Variants in MIGA1 observed in about 807,000 individuals in gnomAD.
The protein encoded by MIGA1 is family with sequence similarity 73, member A.
MIGA1 carries 58 observed loss-of-function variants against 82.0 expected under a neutral mutation model. The observed-to-expected ratio is 0.71, with a 90% CI of 0.57 to 0.88. The LOEUF (loss-of-function observed/expected upper bound fraction) is 0.88, where lower values mean the gene tolerates loss of function less well. Ranked by LOEUF, MIGA1 falls within the 40% of genes least tolerant of loss-of-function variation. The pLI is 0.00. For synonymous variants in MIGA1, 249 were observed against 253.6 expected (o/e 0.98, Z 0.17); for missense variants, 751 against 749.1 (o/e 1.00, Z -0.03).
chr1:77,874,047 A>G (rs1432451084), intron 15 of MIGA1, among the ~76,000 whole-genome samples: 1 of 152,182 alleles, frequency 6.6e-6, no homozygotes. Flanking sequence ...ACCCTTTCAG[A>G]TATAAAATCC....
At chr1:77,818,003 T>A (rs1324138081) in intron 7 of MIGA1, among the ~76,000 whole-genome samples, 1 of 147,080 alleles carries the variant, frequency 6.8e-6, no homozygotes, top group East Asian at 2.1e-4. Context: ...TCACCCAGGC[T>A]GGAGTGCAGT....
chr1:77,862,477 G>T lies in MIGA1; in HGVS notation c.1374+1155G>T, dbSNP rs557018577. 2.0e-5 allele frequency among the ~76,000 whole-genome samples: 3 copies of T among 151,876 alleles called. No individual in the cohort carries two copies. The South Asian group carries it at 6.2e-4, about 32-fold the overall frequency. ...ATATATAGATATAGATATCGGTCCG[G>T]CATGGTGGCTCACGCCTGTAATCCC... On this transcript the variant is annotated intron_variant, in intron 12 of 15. Transcript: ENST00000370791.
chr1:77,786,039 A>C (rs1356914340), intron 2 of MIGA1, among the ~76,000 whole-genome samples: 1 of 152,144 alleles, frequency 6.6e-6, no homozygotes, highest in Non-Finnish European at 1.5e-5. Context: ...ATTTCCATAC[A>C]TCTTCTGAAA....
At chr1:77,815,271 C>G in intron 7 of MIGA1, 40 bp downstream of exon 7, 4 of 1,469,952 alleles carry the variant, frequency 2.7e-6, no homozygotes, top group Non-Finnish European at 3.7e-6. Context: ...GAAATGTTTA[C>G]TTTTCTTTTA....
intron 14 of MIGA1, among the ~76,000 whole-genome samples, chr1:77,869,613 G>A (rs1187941140): frequency 7.2e-6 from 1 of 138,726 alleles, no homozygotes. Context: ...GGCTGGCCAG[G>A]CAGAGGGGTC....
chr1:77,841,352 T>A lies in MIGA1; in HGVS notation c.896-1955T>A, dbSNP rs550006766. Among the ~76,000 whole-genome samples the A allele has an allele frequency of 5.3e-5, 8 of 150,904 alleles. No homozygotes were observed. In the East Asian group the frequency reaches 1.6e-3, roughly 30 times the overall value. ...CACCAAACATAAAGTAGGAAAAAAA[T>A]ATGTTACATGTATGGTTATTTTTGG... is the stretch of plus-strand genomic sequence containing the variant. On this transcript the variant is annotated intron_variant, in intron 7 of 15. Transcript: ENST00000370791.
intron 3 of MIGA1, among the ~76,000 whole-genome samples, chr1:77,802,631 GT>G (rs937101425): frequency 4.6e-5 from 7 of 151,484 alleles, no homozygotes; most frequent in African/African-American, 1.5e-4. Context: ...TAAAAAAATT[GT>G]TTTTTTTGGT....
At chr1:77,827,633 A>G (rs188948966) in intron 7 of MIGA1, among the ~76,000 whole-genome samples, 1 of 152,246 alleles carries the variant, frequency 6.6e-6, no homozygotes, top group East Asian at 1.9e-4. Context: ...CCAGAGCAAA[A>G]GTGAGGATGG....
chr1:77,817,211 C>T lies in MIGA1; in HGVS notation c.895+1980C>T, dbSNP rs537114905. ...TCAGGTTAAAAGGATTCCTTGGGTA[C>T]AGTCTCAGAGGTCTGCTTTAGATTC... On this transcript the variant is annotated intron_variant, in intron 7 of 15. Coordinates refer to ENST00000370791, the MANE Select transcript of MIGA1 (RefSeq NM_198549.4). 1.8e-4 allele frequency among the ~76,000 whole-genome samples: 28 copies of T among 152,220 alleles called. No homozygotes were observed. In the South Asian group the frequency reaches 5.6e-3, roughly 30 times the overall value.
intron 1 of MIGA1, among the ~76,000 whole-genome samples, chr1:77,782,137 A>C (rs1170187906): frequency 2.0e-5 from 3 of 152,144 alleles, no homozygotes; most frequent in African/African-American, 7.2e-5. Flanking sequence ...CACTGTGCCC[A>C]GCCGCAAATA....
intron 5 of MIGA1, among the ~76,000 whole-genome samples, chr1:77,810,654 T>A (rs373990515): frequency 1.3e-5 from 2 of 152,128 alleles, no homozygotes; most frequent in African/African-American, 4.8e-5. Flanking sequence ...AAATCTACAA[T>A]AAACCTGTAT....
intron 7 of MIGA1, among the ~76,000 whole-genome samples, chr1:77,816,442 C>G (rs1470190719): frequency 6.6e-6 from 1 of 152,026 alleles, no homozygotes; most frequent in Non-Finnish European, 1.5e-5. Context: ...TAACTTTTTC[C>G]ACATTAGTAC....
At chr1:77,843,812 C>A (rs1394174929) in intron 8 of MIGA1, among the ~76,000 whole-genome samples, 1 of 152,014 alleles carries the variant, frequency 6.6e-6, no homozygotes, top group East Asian at 1.9e-4. Flanking sequence ...TAAATATTCA[C>A]TGTTGGCCAG....
At chr1:77,791,756 G>A (rs1482801751) in intron 2 of MIGA1, among the ~76,000 whole-genome samples, 1 of 151,554 alleles carries the variant, frequency 6.6e-6, no homozygotes, top group Non-Finnish European at 1.5e-5. Flanking sequence ...TAGAGACAGG[G>A]TTTCACCATC....
chr1:77,866,435 G>A (rs1015901450), intron 14 of MIGA1, 44 bp downstream of exon 14: 1 of 1,583,004 alleles, frequency 6.3e-7, no homozygotes, highest in Admixed American at 1.7e-5. Flanking sequence ...AATCATTTAA[G>A]GATTCTGTCA....
chr1:77,797,485 T>C (rs1682703366), intron 2 of MIGA1, among the ~76,000 whole-genome samples: 1 of 152,216 alleles, frequency 6.6e-6, no homozygotes, highest in African/African-American at 2.4e-5. Flanking sequence ...CTTTTGCCTT[T>C]TCTTAATTTT....
rs549192891 is a variant in MIGA1, at chr1:77,811,060, A to G, written c.638-2674A>G. The G allele has an allele frequency of 1.1e-5, 18 of 1,613,512 alleles. No homozygotes were observed. The African/African-American group carries it at 1.9e-4, about 17-fold the overall frequency. ...TTTAGGCTTGTAGGGTTTGAATTCA[A>G]AGAAGATAGCTGCACCTTTGGTTAA... On this transcript the variant is annotated intron_variant, in intron 5 of 15. Coordinates refer to ENST00000370791, the MANE Select transcript of MIGA1 (RefSeq NM_198549.4).
At chr1:77,779,838 C>CGGACTCCATCGCTGGCGT in intron 1 of MIGA1, 102 bp downstream of exon 1, 4 of 1,437,362 alleles carry the variant, frequency 2.8e-6, no homozygotes, top group African/African-American at 2.9e-5. Flanking sequence ...AGGGGTGGCG[C>CGGACTCCATCGCTGGCGT]GGACTCCATC....
chr1:77,813,595 C>T, intron 5 of MIGA1, 139 bp from the exon 6 acceptor site: 1 of 915,828 alleles, frequency 1.1e-6, no homozygotes, highest in Non-Finnish European at 1.6e-6. Context: ...AAGATTCTGT[C>T]ATGAAATGAT....
Sources: allele counts gnomAD v4.1 joint callset (sites outside exome capture counted in the v4.1 genomes callset), GRCh38; gene constraint gnomAD v4.1.1; transcripts MANE v1.5; gene names NCBI Gene and HGNC (gene_info 2026-07-23, HGNC 2026-07-21).